The following NUMB variants were observed in gnomAD, a reference collection of about 807,000 sequenced individuals.
NUMB encodes protein numb homolog.
NUMB carries 29 observed loss-of-function variants against 59.7 expected under a neutral mutation model. The ratio of observed to expected loss-of-function variants is 0.49; its 90% CI spans 0.36 to 0.66. NUMB has a LOEUF of 0.66. Ranked by LOEUF, NUMB falls within the 30% of genes least tolerant of loss-of-function variation. The pLI is 0.00. For synonymous variants in NUMB, 288 were observed against 288.2 expected, an observed-to-expected ratio of 1.00 and a Z score of 0.01; for missense variants, 723 against 822.0, an observed-to-expected ratio of 0.88 and a Z score of 1.47.
chr14:73,410,182 T>C (rs1422312077), intron 1 of NUMB, 114 bp from the exon 2 acceptor site: 1 of 152,252 alleles, frequency 6.6e-6, no homozygotes, highest in Non-Finnish European at 1.5e-5. Context: ...TATATGGAAA[T>C]GAATGCACAG....
chr14:73,276,445 TG>T lies in NUMB; in HGVS notation c.*132del. The T allele has an allele frequency of 1.5e-6, 1 of 685,004 alleles. No individual in the cohort carries two copies. The highest frequency in any genetic ancestry group is 2.4e-6 in the Non-Finnish European group (1 of 410,676). 42.4% of individuals were successfully genotyped at this position (685,004 alleles called of 1,614,324 possible). On this transcript the variant is annotated 3_prime_UTR_variant, in exon 13 of 13. Transcript: ENST00000555238. ...ATCACCCCTCACAGTACTCTGGGCCTGGACTTGTTCCTTGGGACCTTTGGGA... is the reference window on the plus strand; with the variant it reads ...ATCACCCCTCACAGTACTCTGGGCCTGACTTGTTCCTTGGGACCTTTGGGA...
chr14:73,328,274 CA>C (rs199628671), intron 4 of NUMB, among the ~76,000 whole-genome samples: 86 of 130,648 alleles, frequency 6.6e-4, no homozygotes, highest in Non-Finnish European at 6.5e-4. Context: ...GACTCCATCT[CA>C]AAAAAAAAAA....
At chr14:73,379,001 G>C (rs1274179485) in intron 2 of NUMB, among the ~76,000 whole-genome samples, 1 of 152,108 alleles carries the variant, frequency 6.6e-6, no homozygotes, top group Non-Finnish European at 1.5e-5. Context: ...GCTCAATTTT[G>C]CTGTGAACCT....
rs1172254479 is a variant in NUMB, at chr14:73,350,074, T to TACACACACACACACAC, written c.126+5551_126+5552insGTGTGTGTGTGTGTGT. On this transcript the variant is annotated intron_variant, in intron 4 of 12. Coordinates refer to ENST00000555238, the MANE Select transcript of NUMB (RefSeq NM_001005743.2). ...ATACATACATATATACATACATACA[T>TACACACACACACACAC]ACATACACACACACACACACACACA... 3.3e-3 allele frequency among the ~76,000 whole-genome samples: 439 copies of TACACACACACACACAC among 131,086 alleles called. 2 individuals are homozygous for TACACACACACACACAC. Among genetic ancestry groups the TACACACACACACACAC allele is most frequent in the African/African-American group, 0.013 (410 of 32,560 alleles). 86.0% of individuals were successfully genotyped at this position (131,086 alleles called of 152,430 possible).
chr14:73,279,782 A>C (rs1888486039), intron 11 of NUMB, among the ~76,000 whole-genome samples: 1 of 152,266 alleles, frequency 6.6e-6, no homozygotes, highest in South Asian at 2.1e-4. Context: ...GATATAGCTT[A>C]GCCTTCGGCA....
At chr14:73,339,228 G>A (rs1892505915) in intron 4 of NUMB, among the ~76,000 whole-genome samples, 1 of 152,152 alleles carries the variant, frequency 6.6e-6, no homozygotes, top group African/African-American at 2.4e-5. Flanking sequence ...ATAGTATAAG[G>A]AATACTGTAG....
At chr14:73,292,611 G>A in intron 8 of NUMB, 123 bp downstream of exon 8, 1 of 837,054 alleles carries the variant, frequency 1.2e-6, no homozygotes, top group Non-Finnish European at 1.8e-6. Flanking sequence ...CTGAAAGTAG[G>A]CTAGTTTAGG....
intron 2 of NUMB, among the ~76,000 whole-genome samples, chr14:73,400,506 A>T (rs1021098182): frequency 6.6e-6 from 1 of 152,198 alleles, no homozygotes; most frequent in African/African-American, 2.4e-5. Context: ...CCCTTTCCTG[A>T]CATATACCTC....
At chr14:73,310,743 TA>T (rs140998854) in intron 6 of NUMB, among the ~76,000 whole-genome samples, 9,746 of 152,170 alleles carry the variant, frequency 0.064, 750 homozygotes, top group African/African-American at 0.18. Context: ...AAGCACATAA[TA>T]AACTATAAAG....
At chr14:73,451,311 C>G (rs1883952339) in intron 1 of NUMB, among the ~76,000 whole-genome samples, 1 of 151,800 alleles carries the variant, frequency 6.6e-6, no homozygotes, top group Non-Finnish European at 1.5e-5. Context: ...GTGGCGTGTG[C>G]CTGTAGTCCC....
chr14:73,399,354 C>T (rs904940218), intron 2 of NUMB, among the ~76,000 whole-genome samples: 9 of 151,942 alleles, frequency 5.9e-5, no homozygotes, highest in Non-Finnish European at 1.3e-4. Context: ...ACCTGAGGTC[C>T]GGAGTTAGAA....
At chr14:73,452,774 T>A (rs1330931989) in intron 1 of NUMB, among the ~76,000 whole-genome samples, 1 of 152,178 alleles carries the variant, frequency 6.6e-6, no homozygotes, top group Admixed American at 6.5e-5. Flanking sequence ...TTCTTCTAAA[T>A]CCACATGGTC....
rs201330302 is a variant in NUMB, at chr14:73,377,634, TCAAA to T, written c.-100-10657_-100-10654del. 6.9e-3 allele frequency among the ~76,000 whole-genome samples: 1,043 copies of T among 151,928 alleles called. 5 individuals carry two copies. Among genetic ancestry groups the T allele is most frequent in the South Asian group, 0.03 (143 of 4,812 alleles). On this transcript the variant is annotated intron_variant, in intron 2 of 12. Transcript: ENST00000555238. ...CAGCCTGGGTGACAGAGACTCCGTC[TCAAA>T]CAAACAAACAAACAACAACAACAAC...
intron 2 of NUMB, among the ~76,000 whole-genome samples, chr14:73,374,025 C>T (rs1435926513): frequency 2.0e-5 from 3 of 151,948 alleles, no homozygotes; most frequent in African/African-American, 7.2e-5. Context: ...TGCACCACCA[C>T]GCCAGGCTAA....
intron 6 of NUMB, among the ~76,000 whole-genome samples, chr14:73,316,027 C>T (rs1342172003): frequency 1.3e-5 from 2 of 152,158 alleles, no homozygotes; most frequent in East Asian, 1.9e-4. Context: ...GCTGGGATTA[C>T]AGGTGCACAT....
In NUMB at chr14:73,277,068, G is replaced by C; in HGVS notation, c.1466C>G (p.Thr489Ser). The C allele has an allele frequency of 6.2e-7, 1 of 1,614,156 alleles. No homozygotes were observed. Among genetic ancestry groups the C allele is most frequent in the Non-Finnish European group, 8.5e-7 (1 of 1,180,040 alleles). ...ASPFQGNAFL[T>S]SQPVPVGVVP... ...CACACCCACTGGCACAGGCTGAGAG[G>C]TGAGGAATGCATTCCCTTGGAAAGG... Residue 489 changes from threonine to serine, a missense_variant, in exon 13 of 13, where the codon ACC becomes AGC. Thr to Ser is a moderately conservative substitution (Grantham distance 58). Transcript: ENST00000555238.
At chr14:73,353,737 C>T (rs1893606905) in intron 4 of NUMB, among the ~76,000 whole-genome samples, 1 of 151,354 alleles carries the variant, frequency 6.6e-6, no homozygotes, top group African/African-American at 2.4e-5. Context: ...TGAATAAAAT[C>T]TTAATAGATA....
chr14:73,446,622 T>C (rs1471469976), intron 1 of NUMB, among the ~76,000 whole-genome samples: 3 of 142,578 alleles, frequency 2.1e-5, no homozygotes, highest in Non-Finnish European at 4.6e-5. Flanking sequence ...AAAAAAAAAA[T>C]CCTTAACATG....
At chr14:73,428,276 C>T (rs1326349861) in intron 1 of NUMB, among the ~76,000 whole-genome samples, 3 of 152,122 alleles carry the variant, frequency 2.0e-5, no homozygotes, top group Non-Finnish European at 4.4e-5. Flanking sequence ...TTTAGCTAAC[C>T]TACCTACCTA....
Sources: gnomAD v4.1 joint callset for allele counts (sites outside exome capture counted in the v4.1 genomes callset) on GRCh38, gnomAD v4.1.1 for gene constraint, MANE v1.5 for transcripts, NCBI Gene and HGNC (gene_info 2026-07-23, HGNC 2026-07-21) for gene names.